OR52A5: variants seen among roughly 807,000 people sequenced by gnomAD.
The protein encoded by OR52A5 is olfactory receptor 52A5.
A neutral mutation model predicts 18.2 loss-of-function variants in OR52A5; 16 were observed. The observed-to-expected ratio is 0.88, with a 90% CI of 0.60 to 1.34. The LOEUF is 1.34. Ranked by LOEUF, OR52A5 falls within the 40% of genes most tolerant of loss-of-function variation. The pLI is 0.00. For synonymous variants in OR52A5, 140 were observed against 137.2 expected (o/e 1.02, Z -0.14); for missense variants, 418 against 383.0 (o/e 1.09, Z -0.76).
Position 5,132,185 on chromosome 11 carries a change from C to T in OR52A5, c.458G>A (p.Arg153Lys), listed in dbSNP as rs1846345359. Residue 153 changes from arginine (R) to lysine (K), a missense_variant, in exon 2 of 2, where the codon AGG (arginine) becomes AAG (lysine). Physicochemically the swap from Arg to Lys is conservative, Grantham distance 26. Coordinates refer to ENST00000307388, the MANE Select transcript of OR52A5 (RefSeq NM_001005160.3). Reference sequence around the variant, plus strand: ...GGAAGGTATTATAAGAATGGCAGCCCTGAGTGTCACCCCAAGTCCAATATG... The same window carrying T: ...GGAAGGTATTATAAGAATGGCAGCCTTGAGTGTCACCCCAAGTCCAATATG... Reference protein sequence around the residue: ...LTHIGLGVTLRAAILIIPSLG... With the variant: ...LTHIGLGVTLKAAILIIPSLG... 1 of 1,613,934 alleles carries T rather than the reference C, an allele frequency of 6.2e-7. No homozygotes were observed. The highest frequency in any genetic ancestry group is 1.3e-5 in the African/African-American group (1 of 74,882).
chr11:5,135,410 C>T (rs1259674058), intron 1 of OR52A5, among the ~76,000 whole-genome samples: 1 of 152,136 alleles, frequency 6.6e-6, no homozygotes, highest in Non-Finnish European at 1.5e-5. Context: ...TCTTGAACAA[C>T]ATACCATCCA....
rs1310009925 is a variant in OR52A5 at position 5,133,292 on chromosome 11, C to T, written c.-60-590G>A. ...CTGAGGCAGGAGAATGGCATGAACC[C>T]GGGAGGCAGAGCTTGCAGTGAGCCA... On this transcript the variant is annotated intron_variant, in intron 1 of 1. Transcript: ENST00000307388. 1.0e-4 allele frequency among the ~76,000 whole-genome samples: 15 copies of T among 143,032 alleles called. No individual in the cohort carries two copies. In the South Asian group the frequency reaches 1.1e-3, roughly 11 times the overall value. The allele number at this position is 143,032 out of a possible 152,430, so 93.8% of individuals were successfully genotyped here. A position where few individuals can be genotyped will look rare whatever the true frequency, so the allele number is the denominator to read the frequency against.
chr11:5,137,429 A>C (rs571801221), intron 1 of OR52A5, among the ~76,000 whole-genome samples: 1 of 152,224 alleles, frequency 6.6e-6, no homozygotes, highest in East Asian at 1.9e-4. Flanking sequence ...CAATATCAGA[A>C]ATCTCATCCC....
chr11:5,132,771 T>G (rs1846354587), intron 1 of OR52A5, 69 bp from the exon 2 acceptor site: 1 of 554,640 alleles, frequency 1.8e-6, no homozygotes, highest in East Asian at 2.9e-5. Flanking sequence ...ATTTTAGGAG[T>G]GTATCATGTT....
Position 5,131,897 on chromosome 11 carries a change from C to A in OR52A5, c.746G>T (p.Cys249Phe), listed in dbSNP as rs202155607. ...AAGAAGGTAGAACTGTAGGAAGACA[C>A]AAATGTGGGCAATGCATGTATTAAA... is the stretch of plus-strand genomic sequence containing the variant. ...KAFNTCIAHI[C>F]VFLQFYLLAF... Residue 249 changes from cysteine to phenylalanine, a missense_variant, in exon 2 of 2, where the codon TGT becomes TTT. By Grantham distance (205) the Cys-to-Phe change is radical (BLOSUM62 -2). Transcript: ENST00000307388. 25 of 1,614,114 alleles carry A rather than the reference C, an allele frequency of 1.5e-5. No homozygotes were observed. The highest frequency in any genetic ancestry group is 1.9e-5 in the Non-Finnish European group (23 of 1,180,030).
At position 5,132,431 on chromosome 11, in the gene OR52A5, G is replaced by A. The variant is rs1471991870; in HGVS notation, c.212C>T (p.Thr71Ile). Residue 71 changes from threonine to isoleucine, a missense_variant, in exon 2 of 2, where the codon ACA becomes ATA. Transcript: ENST00000307388. ...MYIFLAMLAATDIALNTCILP... is the reference protein window; with the variant it reads ...MYIFLAMLAAIDIALNTCILP... ...AATGCAGGTGTTAAGTGCAATGTCT[G>A]TGGCTGCCAACATGGCCAAAAAAAT... 2.5e-6 allele frequency: 4 copies of A among 1,614,164 alleles called. No homozygotes were observed. In the Admixed American group the frequency reaches 5.0e-5, roughly 20 times the overall value.
Position 5,132,720 on chromosome 11 carries a change from TA to T in OR52A5, c.-60-19del. The stretch of plus-strand genomic sequence containing the variant: ...TGTTGAGCCTTGATGAATTAAAAAT[TA>T]AAAATATGTTAATTTATTTTAGGAA... On this transcript the variant is annotated intron_variant, in intron 1 of 1. Transcript: ENST00000307388. 1.2e-6 allele frequency: 1 copy of T among 857,678 alleles called. No individual in the cohort carries two copies. The highest frequency in any genetic ancestry group is 1.8e-6 in the Non-Finnish European group (1 of 564,228). 53.1% of individuals were successfully genotyped at this position (857,678 alleles called of 1,614,324 possible). A position where few individuals can be genotyped will look rare whatever the true frequency, so the allele number is the denominator to read the frequency against.
rs1846335138 is a variant in OR52A5, at chr11:5,131,374, T to C, written c.*318A>G. On this transcript the variant is annotated 3_prime_UTR_variant, in exon 2 of 2. Transcript: ENST00000307388. ...ATGTTTAATATTTTTCAATTTTTTTTGCATTCTCTCCTGTGTAAATTCCTT... is the reference window on the plus strand; with the variant it reads ...ATGTTTAATATTTTTCAATTTTTTTCGCATTCTCTCCTGTGTAAATTCCTT... The C allele has an allele frequency of 5.9e-6, 1 of 168,076 alleles. No homozygotes were observed. Among genetic ancestry groups the C allele is most frequent in the African/African-American group, 2.4e-5 (1 of 41,700 alleles). The allele number at this position is 168,076 out of a possible 1,614,324, so 10.4% of individuals were successfully genotyped here.
In OR52A5 at chr11:5,132,075, G is replaced by C. The variant is rs772431382; in HGVS notation, c.568C>G (p.Leu190Val). The change falls in exon 2 of 2, where the codon CTG (leucine) becomes GTG (valine). Residue 190 changes from leucine to valine, a missense_variant. By Grantham distance (32) the Leu-to-Val change is conservative. Coordinates refer to ENST00000307388, the MANE Select transcript of OR52A5 (RefSeq NM_001005160.3). ...TTGACTCGGATATCTTCAGTAGCCA[G>C]CTTCACGATGGCCATGTGCTCACAG... Reference protein sequence around the residue: ...SYCEHMAIVKLATEDIRVNKI... With the variant: ...SYCEHMAIVKVATEDIRVNKI... 25 of 1,614,052 alleles carry C rather than the reference G, an allele frequency of 1.5e-5. No homozygotes were observed. The Admixed American group carries it at 2.8e-4, about 18-fold the overall frequency.
chr11:5,135,415 C>T (rs955743625), intron 1 of OR52A5, among the ~76,000 whole-genome samples: 3 of 152,026 alleles, frequency 2.0e-5, no homozygotes, highest in African/African-American at 7.3e-5. Context: ...AACAACATAC[C>T]ATCCAAATGT....
At chr11:5,134,258 A>G (rs963453900) in intron 1 of OR52A5, among the ~76,000 whole-genome samples, 8 of 152,236 alleles carry the variant, frequency 5.3e-5, no homozygotes, top group Non-Finnish European at 1.0e-4. Flanking sequence ...ACTGCAAAAT[A>G]GATAAAGATA....
At chr11:5,138,174 T>C (rs1846408736) in intron 1 of OR52A5, 137 bp downstream of exon 1, 1 of 152,226 alleles carries the variant, frequency 6.6e-6, no homozygotes, top group African/African-American at 2.4e-5. Flanking sequence ...TTTTAGAGTT[T>C]GAACACTCAA....
intron 1 of OR52A5, among the ~76,000 whole-genome samples, chr11:5,135,982 C>G (rs571415304): frequency 9.9e-5 from 15 of 152,234 alleles, no homozygotes; most frequent in Admixed American, 7.9e-4. Context: ...ATATACTGGG[C>G]AATAATCTCC....
At chr11:5,133,434 C>CA (rs1021236902) in intron 1 of OR52A5, among the ~76,000 whole-genome samples, 23 of 141,250 alleles carry the variant, frequency 1.6e-4, no homozygotes, top group African/African-American at 6.0e-4. Flanking sequence ...AATCAGAAGA[C>CA]AAGTTTGACT....
rs1846349834 is a variant in OR52A5, at chr11:5,132,467, A to G, written c.176T>C (p.Ile59Thr). ...CATGGCCAAAAAAATGTACATGGGTATATGGAGGCTGTTTTCATATTTGAT... is the reference window on the plus strand; with the variant it reads ...CATGGCCAAAAAAATGTACATGGGTGTATGGAGGCTGTTTTCATATTTGAT... The part of the protein sequence containing the change: ...VIIKYENSLH[I>T]PMYIFLAMLA... The change falls in exon 2 of 2, where the codon ATA (isoleucine) becomes ACA (threonine). Residue 59 changes from isoleucine to threonine, a missense_variant. Ile to Thr is a moderately conservative substitution (Grantham distance 89). Coordinates refer to ENST00000307388, the MANE Select transcript of OR52A5 (RefSeq NM_001005160.3). 1 of 1,614,232 alleles carries G rather than the reference A, an allele frequency of 6.2e-7. No homozygotes were observed. The highest frequency in any genetic ancestry group is 1.3e-5 in the African/African-American group (1 of 75,070).
At chr11:5,134,737 A>C (rs1030653011) in intron 1 of OR52A5, among the ~76,000 whole-genome samples, 1 of 151,676 alleles carries the variant, frequency 6.6e-6, no homozygotes, top group Non-Finnish European at 1.5e-5. Flanking sequence ...TTATATTAAT[A>C]TATTAATATT....
rs76177347 is a variant in OR52A5, at chr11:5,134,820, T to C, written c.-60-2118A>G. Among the ~76,000 whole-genome samples, 895 of 152,160 alleles carry C rather than the reference T, an allele frequency of 5.9e-3. 11 individuals carry two copies. The highest frequency in any genetic ancestry group is 0.021 in the African/African-American group (857 of 41,542). The stretch of plus-strand genomic sequence containing the variant: ...ATACACTTGGATCAAAATTTTATGC[T>C]GTATTTACCCAGAAAGAACAAAATA... On this transcript the variant is annotated intron_variant, in intron 1 of 1. Transcript: ENST00000307388.
At chr11:5,135,319 C>T (rs1846381331) in intron 1 of OR52A5, among the ~76,000 whole-genome samples, 1 of 152,180 alleles carries the variant, frequency 6.6e-6, no homozygotes, top group African/African-American at 2.4e-5. Flanking sequence ...ACTCCCCAAT[C>T]ACTTTAATTT....
chr11:5,132,934 T>C (rs977408265), intron 1 of OR52A5, among the ~76,000 whole-genome samples: 7 of 152,204 alleles, frequency 4.6e-5, no homozygotes, highest in African/African-American at 1.7e-4. Context: ...TTCATGACTA[T>C]TGGATCAACA....
Sources: gnomAD v4.1 joint callset for allele counts (sites outside exome capture counted in the v4.1 genomes callset) on GRCh38, gnomAD v4.1.1 for gene constraint, MANE v1.5 for transcripts, NCBI Gene and HGNC (gene_info 2026-07-23, HGNC 2026-07-21) for gene names.